EFCAB8: variants seen among roughly 807,000 people sequenced by gnomAD.
The protein encoded by EFCAB8 is EF-hand calcium-binding domain-containing protein 8.
In EFCAB8, 100 loss-of-function variants were observed where a neutral mutation model predicts 116.3. The observed-to-expected ratio is 0.86, with a 90% confidence interval of 0.73 to 1.02. The LOEUF is 1.02. Among genes scored for constraint, EFCAB8 ranks in the 50% least tolerant of loss-of-function variants. The pLI is 0.00. For synonymous variants in EFCAB8, 558 were observed against 567.9 expected, an observed-to-expected ratio of 0.98 and a Z score of 0.25; for missense variants, 1,320 against 1,416.9, an observed-to-expected ratio of 0.93 and a Z score of 1.10.
intron 20 of EFCAB8, among the ~76,000 whole-genome samples, chr20:32,921,063 G>A (rs1318780251): frequency 6.6e-6 from 1 of 152,134 alleles, no homozygotes; most frequent in Non-Finnish European, 1.5e-5. Context: ...GGTGTGGCTG[G>A]CCTGCCCCAT....
Position 32,893,206 on chromosome 20 carries a change from G to A in EFCAB8, c.791G>A (p.Gly264Glu). ...TATCACAGAGGTGTGTTCTGCTATG[G>A]AGACGCCAAAGGCAACGTCATTGTC... ...SDYHRGVFCY[G>E]DAKGNVIVFT... Residue 264 changes from glycine to glutamate, a missense_variant, in exon 9 of 27, where the codon GGA (glycine) becomes GAA (glutamate). Transcript: ENST00000400522. The A allele has an allele frequency of 6.4e-7, 1 of 1,552,048 alleles. No individual in the cohort carries two copies. The highest frequency in any genetic ancestry group is 8.7e-7 in the Non-Finnish European group (1 of 1,147,076).
At position 32,918,589 on chromosome 20, in the gene EFCAB8, C is replaced by A. The variant is rs1423136737; in HGVS notation, c.2274+15C>A. 1 of 1,550,792 alleles carries A rather than the reference C, an allele frequency of 6.4e-7. No homozygotes were observed. On this transcript the variant is annotated intron_variant, in intron 19 of 26. Transcript: ENST00000400522. Reference sequence around the variant, plus strand: ...TGCCCCAGCAGGTGGGAGCGAGAGCCCAACCAGAAGGCTACCCTCACTCTC... The same window carrying A: ...TGCCCCAGCAGGTGGGAGCGAGAGCACAACCAGAAGGCTACCCTCACTCTC...
intron 7 of EFCAB8, among the ~76,000 whole-genome samples, chr20:32,889,886 C>T (rs1377976859): frequency 4.6e-5 from 7 of 152,016 alleles, no homozygotes; most frequent in Non-Finnish European, 7.4e-5. Flanking sequence ...CCTGTAATCC[C>T]AGCTACTCAG....
chr20:32,896,366 A>T, intron 9 of EFCAB8, 88 bp from the exon 10 acceptor site: 2 of 683,212 alleles, frequency 2.9e-6, no homozygotes, highest in Middle Eastern at 2.6e-4. Context: ...CAGGAGTTGC[A>T]AGCCAACTCA....
chr20:32,945,446 A>AT (rs1988563403), intron 23 of EFCAB8, among the ~76,000 whole-genome samples: 2 of 152,178 alleles, frequency 1.3e-5, no homozygotes, highest in Non-Finnish European at 2.9e-5. Flanking sequence ...GTGGGCCACC[A>AT]TGGCTGGCCT....
At chr20:32,861,284 A>G (rs779055855) in intron 1 of EFCAB8, among the ~76,000 whole-genome samples, 2 of 151,996 alleles carry the variant, frequency 1.3e-5, no homozygotes, top group South Asian at 4.2e-4. Flanking sequence ...CTCCACTGAA[A>G]CACATTTTAT....
chr20:32,912,760 G>A (rs1332363148), intron 16 of EFCAB8, 34 bp from the exon 17 acceptor site: 1 of 718,014 alleles, frequency 1.4e-6, no homozygotes, highest in Non-Finnish European at 2.6e-6. Flanking sequence ...TCTCTGATAA[G>A]TTTTCTAGTT....
chr20:32,930,951 T>G (rs6120045), intron 21 of EFCAB8, among the ~76,000 whole-genome samples: 36,104 of 152,068 alleles, frequency 0.24, 4,645 homozygotes, highest in Middle Eastern at 0.3. Context: ...GGCAGGGGTG[T>G]GCTGTCCTTG....
intron 20 of EFCAB8, among the ~76,000 whole-genome samples, chr20:32,924,295 C>T (rs896385376): frequency 2.6e-5 from 4 of 152,176 alleles, no homozygotes; most frequent in African/African-American, 9.7e-5. Context: ...ACCTTCTGGG[C>T]TCAAGCGATC....
intron 10 of EFCAB8, among the ~76,000 whole-genome samples, chr20:32,897,211 G>A (rs903144377): frequency 6.6e-6 from 1 of 151,914 alleles, no homozygotes; most frequent in Admixed American, 6.6e-5. Context: ...CCCTTCACCC[G>A]CAGTGTTTAC....
rs1984248587 is a variant in EFCAB8 at position 32,863,771 on chromosome 20, T to C, written c.-10-12T>C. The C allele has an allele frequency of 3.9e-6, 6 of 1,550,150 alleles. No individual in the cohort carries two copies. In the Middle Eastern group the frequency reaches 5.3e-4, roughly 138 times the overall value. ...CGACTGGAGTTAAGTTGACTATGAT[T>C]CCCTATTCTAGGTCAAGGCTAATGT... On this transcript the variant is annotated splice_polypyrimidine_tract_variant and intron_variant, in intron 1 of 26. Transcript: ENST00000400522.
At chr20:32,884,627 A>T (rs775352556) in intron 5 of EFCAB8, among the ~76,000 whole-genome samples, 4 of 152,152 alleles carry the variant, frequency 2.6e-5, no homozygotes, top group Non-Finnish European at 5.9e-5. Flanking sequence ...GACCAGGCCT[A>T]CCGGATTTGG....
At position 32,918,359 on chromosome 20, in the gene EFCAB8, C is replaced by T. The variant is rs1987286864; in HGVS notation, c.2062-3C>T. On this transcript the variant is annotated splice_region_variant and splice_polypyrimidine_tract_variant and intron_variant, in intron 18 of 26. Coordinates refer to ENST00000400522, the MANE Select transcript of EFCAB8 (RefSeq NM_001143967.2). ...CTTAGGGGCTGCTTTCTTCTTGGTA[C>T]AGGTGCAAGATGTGAACAACTGCCT... 1 of 1,551,732 alleles carries T rather than the reference C, an allele frequency of 6.4e-7. No individual in the cohort carries two copies. The highest frequency in any genetic ancestry group is 1.4e-5 in the African/African-American group (1 of 73,178).
Position 32,933,071 on chromosome 20 carries a change from TC to T in EFCAB8, c.2790+1736del, listed in dbSNP as rs199580596. Among the ~76,000 whole-genome samples the T allele has an allele frequency of 8.3e-3, 1,264 of 152,282 alleles. 17 individuals are homozygous for T. Among genetic ancestry groups the T allele is most frequent in the African/African-American group, 0.028 (1,147 of 41,526 alleles). ...TGGTGATAGTATATTATATATGCAT[TC>T]ATTAATCTCCATAATGACTTGTGAG... On this transcript the variant is annotated intron_variant, in intron 22 of 26. Coordinates refer to ENST00000400522, the MANE Select transcript of EFCAB8 (RefSeq NM_001143967.2).
rs557437749 is a variant in EFCAB8, at chr20:32,919,798, C to A, written c.2275-280C>A. Among the ~76,000 whole-genome samples the A allele has an allele frequency of 2.6e-5, 4 of 152,262 alleles. No homozygotes were observed. In the South Asian group the frequency reaches 8.3e-4, roughly 32 times the overall value. The stretch of plus-strand genomic sequence containing the variant: ...ACAGGTGTGAACCACCACGACCGAC[C>A]TTTATCCTCATTTTTAACCAGGATG... On this transcript the variant is annotated intron_variant, in intron 19 of 26. Transcript: ENST00000400522.
At chr20:32,885,910 G>A (rs773772927) in intron 6 of EFCAB8, among the ~76,000 whole-genome samples, 6 of 152,190 alleles carry the variant, frequency 3.9e-5, no homozygotes, top group Non-Finnish European at 5.9e-5. Flanking sequence ...CCCTTTAGCT[G>A]TCCCTGCCCA....
At position 32,951,547 on chromosome 20, in the gene EFCAB8, TA is replaced by T. The variant is rs59079576; in HGVS notation, c.2960-6873del. 4.7e-3 allele frequency among the ~76,000 whole-genome samples: 721 copies of T among 152,296 alleles called. 5 individuals are homozygous for T. Among genetic ancestry groups the T allele is most frequent in the African/African-American group, 0.016 (682 of 41,556 alleles). On this transcript the variant is annotated intron_variant, in intron 23 of 26. Transcript: ENST00000400522. ...CAGCAGATAACTGGTTGTTTGAGGA[TA>T]GGGGGCTGATGAGGGTTGGAAGGGT...
At chr20:32,860,886 G>T (rs546524555) in intron 1 of EFCAB8, among the ~76,000 whole-genome samples, 42 of 152,122 alleles carry the variant, frequency 2.8e-4, no homozygotes, top group Non-Finnish European at 4.4e-4. Flanking sequence ...CTACAGGGGA[G>T]TGTCACCATA....
chr20:32,875,699 G>A (rs1456702188), intron 3 of EFCAB8, among the ~76,000 whole-genome samples: 1 of 151,774 alleles, frequency 6.6e-6, no homozygotes, highest in African/African-American at 2.4e-5. Context: ...AGTAGAGACA[G>A]GGTTTCACCA....
Sources: allele counts gnomAD v4.1 joint callset (sites outside exome capture counted in the v4.1 genomes callset), GRCh38; gene constraint gnomAD v4.1.1; transcripts MANE v1.5; gene names NCBI Gene and HGNC (gene_info 2026-07-23, HGNC 2026-07-21).